KCTD16: variants seen among roughly 807,000 people sequenced by gnomAD.
The protein encoded by KCTD16 is BTB/POZ domain-containing protein KCTD16.
In KCTD16, 13 loss-of-function variants were observed where a neutral mutation model predicts 33.2. The ratio of observed to expected loss-of-function variants is 0.39; its 90% CI spans 0.25 to 0.62. KCTD16 has a LOEUF of 0.62. Ranked by LOEUF, KCTD16 falls within the 20% of genes least tolerant of loss-of-function variation. The pLI is 0.50. For missense variants in KCTD16, 441 were observed against 525.1 expected, an observed-to-expected ratio of 0.84 and a Z score of 1.57; for synonymous variants, 197 against 195.3, an observed-to-expected ratio of 1.01 and a Z score of -0.07.
chr5:144,427,255 G>A (rs772268472), intron 3 of KCTD16, among the ~76,000 whole-genome samples: 1 of 151,922 alleles, frequency 6.6e-6, no homozygotes, highest in African/African-American at 2.4e-5. Flanking sequence ...ATTAAGCGGG[G>A]GGAGGGGGGT....
chr5:144,345,949 A>G (rs921062529), intron 3 of KCTD16, among the ~76,000 whole-genome samples: 1 of 133,240 alleles, frequency 7.5e-6, no homozygotes, highest in Non-Finnish European at 1.6e-5. Context: ...GGTCTTATTC[A>G]TTCTATTTTT....
At chr5:144,329,704 A>G (rs1442937597) in intron 3 of KCTD16, among the ~76,000 whole-genome samples, 3 of 152,202 alleles carry the variant, frequency 2.0e-5, no homozygotes, top group African/African-American at 7.2e-5. Context: ...GCCAAGAAAT[A>G]AGCTTCTACA....
intron 3 of KCTD16, among the ~76,000 whole-genome samples, chr5:144,219,461 G>A (rs1476299101): frequency 4.1e-5 from 6 of 146,066 alleles, no homozygotes; most frequent in Admixed American, 2.1e-4. Flanking sequence ...TGATCTGCCC[G>A]CCTCAGCCTC....
At chr5:144,334,591 C>T (rs1752434812) in intron 3 of KCTD16, among the ~76,000 whole-genome samples, 2 of 152,108 alleles carry the variant, frequency 1.3e-5, no homozygotes, top group African/African-American at 2.4e-5. Context: ...TGATGTTATG[C>T]ACTTTGTCTC....
At chr5:144,391,667 A>T (rs1752451976) in intron 3 of KCTD16, among the ~76,000 whole-genome samples, 1 of 152,130 alleles carries the variant, frequency 6.6e-6, no homozygotes, top group Non-Finnish European at 1.5e-5. Context: ...TAAAATGGTA[A>T]CTCTATACCC....
chr5:144,221,442 A>C (rs1223044534), intron 3 of KCTD16, among the ~76,000 whole-genome samples: 1 of 151,458 alleles, frequency 6.6e-6, no homozygotes. Context: ...GACAGGCCCC[A>C]GTGTGTGATG....
intron 3 of KCTD16, among the ~76,000 whole-genome samples, chr5:144,456,546 A>G (rs988742813): frequency 6.6e-6 from 1 of 152,158 alleles, no homozygotes; most frequent in African/African-American, 2.4e-5. Context: ...CTGACAGTGC[A>G]ATTTGAGTAT....
rs1554085019 is a variant in KCTD16, at chr5:144,285,981, T to TC, written c.832+78436dup. Among the ~76,000 whole-genome samples, 567 of 140,616 alleles carry TC rather than the reference T, an allele frequency of 4.0e-3. 4 individuals carry two copies. Among genetic ancestry groups the TC allele is most frequent in the African/African-American group, 0.013 (505 of 39,028 alleles). 92.2% of individuals were successfully genotyped at this position (140,616 alleles called of 152,430 possible). ...CCTAATCTTTTTTTTTTTTTTTTTT[T>TC]CAGATAAAAGATTTAAGTCAGGATA... On this transcript the variant is annotated intron_variant, in intron 3 of 3. Coordinates refer to ENST00000512467, the MANE Select transcript of KCTD16 (RefSeq NM_020768.4).
At chr5:144,450,661 C>A (rs776730853) in intron 3 of KCTD16, among the ~76,000 whole-genome samples, 1 of 151,892 alleles carries the variant, frequency 6.6e-6, no homozygotes, top group African/African-American at 2.4e-5. Flanking sequence ...TAGATGAACC[C>A]GGAATACATT....
intron 3 of KCTD16, among the ~76,000 whole-genome samples, chr5:144,432,822 C>T (rs1008384585): frequency 3.3e-5 from 5 of 151,942 alleles, no homozygotes; most frequent in African/African-American, 1.2e-4. Flanking sequence ...GTTTTATGTA[C>T]CAGCTACCTA....
At chr5:144,437,299 C>T (rs1411128934) in intron 3 of KCTD16, among the ~76,000 whole-genome samples, 1 of 152,160 alleles carries the variant, frequency 6.6e-6, no homozygotes, top group African/African-American at 2.4e-5. Context: ...GTAAATGTCC[C>T]ATTGGGCCTC....
chr5:144,327,874 G>A (rs1235033371), intron 3 of KCTD16, among the ~76,000 whole-genome samples: 2 of 152,014 alleles, frequency 1.3e-5, no homozygotes, highest in Non-Finnish European at 2.9e-5. Flanking sequence ...GCAGCTTTCC[G>A]ATGTTATAAA....
At chr5:144,463,176 A>G (rs1253325911) in intron 3 of KCTD16, among the ~76,000 whole-genome samples, 1 of 152,158 alleles carries the variant, frequency 6.6e-6, no homozygotes, top group Non-Finnish European at 1.5e-5. Flanking sequence ...ATCTATGCAA[A>G]TGAGATTAAT....
intron 2 of KCTD16, among the ~76,000 whole-genome samples, chr5:144,202,125 G>C (rs1165394062): frequency 6.6e-6 from 1 of 152,156 alleles, no homozygotes; most frequent in East Asian, 1.9e-4. Context: ...GAACAGGATG[G>C]AGCATTCTTC....
chr5:144,454,547 T>C (rs1057186409), intron 3 of KCTD16, among the ~76,000 whole-genome samples: 11 of 152,174 alleles, frequency 7.2e-5, no homozygotes, highest in African/African-American at 2.4e-5. Context: ...TATTTCCTCA[T>C]AGATATAAGG....
intron 3 of KCTD16, among the ~76,000 whole-genome samples, chr5:144,289,084 A>G (rs1238365342): frequency 6.6e-6 from 1 of 152,212 alleles, no homozygotes; most frequent in African/African-American, 2.4e-5. Flanking sequence ...AAGCTCAGGA[A>G]TGGGATCCTT....
chr5:144,265,917 C>T (rs1755130207), intron 3 of KCTD16, among the ~76,000 whole-genome samples: 1 of 152,100 alleles, frequency 6.6e-6, no homozygotes, highest in South Asian at 2.1e-4. Flanking sequence ...AGTGCTTCAG[C>T]TTTTTTCTCC....
chr5:144,287,916 G>A (rs1188637621), intron 3 of KCTD16, among the ~76,000 whole-genome samples: 1 of 152,180 alleles, frequency 6.6e-6, no homozygotes, highest in Non-Finnish European at 1.5e-5. Context: ...TTACAGGCAT[G>A]AGACAATGCC....
At chr5:144,319,274 T>A (rs1456628456) in intron 3 of KCTD16, among the ~76,000 whole-genome samples, 4 of 152,186 alleles carry the variant, frequency 2.6e-5, no homozygotes, top group African/African-American at 9.6e-5. Context: ...ATTTTGTAGA[T>A]GAAGAAACTA....
Sources: gnomAD v4.1 joint callset for allele counts (sites outside exome capture counted in the v4.1 genomes callset) on GRCh38, gnomAD v4.1.1 for gene constraint, MANE v1.5 for transcripts, NCBI Gene and HGNC (gene_info 2026-07-23, HGNC 2026-07-21) for gene names.